FBXL4: variants seen among roughly 807,000 people sequenced by gnomAD.
FBXL4 encodes F-box and leucine rich repeat protein 4.
A neutral mutation model predicts 58.9 loss-of-function variants in FBXL4; 40 were observed. The ratio of observed to expected loss-of-function variants is 0.68; its 90% confidence interval spans 0.53 to 0.88. The LOEUF is 0.88. Ranked by LOEUF, FBXL4 falls within the 40% of genes least tolerant of loss-of-function variation. The pLI is 0.00. For synonymous variants in FBXL4, 263 were observed against 265.5 expected (o/e 0.99, Z 0.09); for missense variants, 676 against 734.4 (o/e 0.92, Z 0.92).
In FBXL4 at chr6:98,904,784, T is replaced by A. The variant is rs1771736393; in HGVS notation, c.1103+642A>T. Reference sequence around the variant, plus strand: ...GTTAGGAGAAAAACACCTGTTTGTATCCTAAGAAAAAATTACTATGGCATT... The same window carrying A: ...GTTAGGAGAAAAACACCTGTTTGTAACCTAAGAAAAAATTACTATGGCATT... On this transcript the variant is annotated intron_variant, in intron 6 of 9. Transcript: ENST00000369244. 1.3e-5 allele frequency among the ~76,000 whole-genome samples: 2 copies of A among 152,168 alleles called. 1 individual carries two copies. The highest frequency in any genetic ancestry group is 4.1e-4 in the South Asian group (2 of 4,828).
intron 7 of FBXL4, among the ~76,000 whole-genome samples, chr6:98,893,230 T>TAC (rs1324101176): frequency 1.3e-5 from 2 of 152,234 alleles, no homozygotes; most frequent in African/African-American, 4.8e-5. Flanking sequence ...TGCTATCCTA[T>TAC]ACAAGGTGTA....
chr6:98,918,445 C>T (rs1772454659), intron 4 of FBXL4, among the ~76,000 whole-genome samples: 2 of 152,110 alleles, frequency 1.3e-5, no homozygotes, highest in African/African-American at 4.8e-5. Context: ...GTGTTATCTT[C>T]CTCCCCATGA....
chr6:98,916,809 A>G (rs1262411294), intron 5 of FBXL4, among the ~76,000 whole-genome samples: 1 of 149,690 alleles, frequency 6.7e-6, no homozygotes, highest in African/African-American at 2.5e-5. Context: ...CCTAAAACTT[A>G]AAGTATAATT....
rs879269366 is a variant in FBXL4 at position 98,908,727 on chromosome 6, C to CT, written c.859-3058dup. Among the ~76,000 whole-genome samples, 210 of 145,914 alleles carry CT rather than the reference C, an allele frequency of 1.4e-3. 2 individuals carry two copies. The East Asian group carries it at 0.017, about 12-fold the overall frequency. Reference sequence around the variant, plus strand: ...TATAAAACTGTTTTTATTTGTGTTTCTTTTTTTTTTTAACAACAGAAACAT... The same window carrying CT: ...TATAAAACTGTTTTTATTTGTGTTTCTTTTTTTTTTTTAACAACAGAAACAT... On this transcript the variant is annotated intron_variant, in intron 5 of 9. Transcript: ENST00000369244.
chr6:98,885,772 T>C (rs1771016353), intron 7 of FBXL4, among the ~76,000 whole-genome samples: 1 of 152,220 alleles, frequency 6.6e-6, no homozygotes, highest in Non-Finnish European at 1.5e-5. Context: ...TCATATCATG[T>C]CAGCCAATTC....
At chr6:98,928,709 T>C (rs956101128) in intron 2 of FBXL4, among the ~76,000 whole-genome samples, 8 of 152,238 alleles carry the variant, frequency 5.3e-5, no homozygotes, top group Non-Finnish European at 1.0e-4. Context: ...TTGCACTAAA[T>C]GTCCCTTCCA....
At chr6:98,916,467 C>T (rs1469925499) in intron 5 of FBXL4, among the ~76,000 whole-genome samples, 1 of 151,640 alleles carries the variant, frequency 6.6e-6, no homozygotes, top group African/African-American at 2.4e-5. Context: ...CACATATACA[C>T]CATGGAATAC....
chr6:98,947,473 G>A (rs1161980418), intron 1 of FBXL4, among the ~76,000 whole-genome samples: 1 of 152,264 alleles, frequency 6.6e-6, no homozygotes, highest in Non-Finnish European at 1.5e-5. Context: ...CTGAGCGCGG[G>A]TGTGGGGCGA....
chr6:98,923,523 C>T (rs1051594726), intron 4 of FBXL4, among the ~76,000 whole-genome samples: 3 of 152,206 alleles, frequency 2.0e-5, no homozygotes, highest in African/African-American at 7.2e-5. Context: ...TTCAAATGTG[C>T]TGTTGTCTCT....
chr6:98,943,900 T>A (rs80345937), intron 1 of FBXL4, among the ~76,000 whole-genome samples: 496 of 152,334 alleles, frequency 3.3e-3, no homozygotes, highest in Non-Finnish European at 5.5e-3. Flanking sequence ...ACACATATTA[T>A]CTTTAAGGCT....
intron 4 of FBXL4, among the ~76,000 whole-genome samples, chr6:98,921,296 C>T (rs1211936611): frequency 2.0e-5 from 3 of 151,908 alleles, no homozygotes; most frequent in Non-Finnish European, 2.9e-5. Flanking sequence ...AGAGATGTTT[C>T]ATTAATGGAA....
intron 6 of FBXL4, among the ~76,000 whole-genome samples, chr6:98,901,457 C>T (rs1041815206): frequency 6.6e-6 from 1 of 151,958 alleles, no homozygotes; most frequent in African/African-American, 2.4e-5. Flanking sequence ...TGGCTTTATA[C>T]CAGAAAGCAA....
In FBXL4 at chr6:98,927,634, A is replaced by G. The variant is rs545110971; in HGVS notation, c.-73+71T>C. 99 of 152,466 alleles carry G rather than the reference A, an allele frequency of 6.5e-4. 1 individual carries two copies. Among genetic ancestry groups the G allele is most frequent in the African/African-American group, 2.3e-3 (97 of 41,570 alleles). The allele number at this position is 152,466 out of a possible 1,614,324, so 9.4% of individuals were successfully genotyped here. A position where few individuals can be genotyped will look rare whatever the true frequency, so the allele number is the denominator to read the frequency against. On this transcript the variant is annotated intron_variant, in intron 3 of 9. Transcript: ENST00000369244. Reference sequence around the variant, plus strand: ...CAGTGTTTAATTTATAACTCCTAGCATTATTTGTTAGGGCAGTCCATGGCT... The same window carrying G: ...CAGTGTTTAATTTATAACTCCTAGCGTTATTTGTTAGGGCAGTCCATGGCT...
At chr6:98,923,148 G>T (rs1386647099) in intron 4 of FBXL4, among the ~76,000 whole-genome samples, 1 of 152,082 alleles carries the variant, frequency 6.6e-6, no homozygotes, top group Non-Finnish European at 1.5e-5. Flanking sequence ...GCTGGTGCAG[G>T]AGTATAAGGG....
intron 5 of FBXL4, among the ~76,000 whole-genome samples, chr6:98,909,303 AG>A (rs1425766374): frequency 1.3e-5 from 2 of 152,170 alleles, no homozygotes; most frequent in African/African-American, 4.8e-5. Flanking sequence ...TGCCAAAGAC[AG>A]GGAGTCCCAA....
rs181373702 is a variant in FBXL4, at chr6:98,869,621, C to A, written c.*4657G>T. On this transcript the variant is annotated 3_prime_UTR_variant, in exon 10 of 10. Transcript: ENST00000369244. ...TCCAGCCTGGGGCAATAGAGTGAGA[C>A]CCTGTCTCAAATATGTAACACACAC... is the stretch of plus-strand genomic sequence containing the variant. 3 of 151,544 alleles carry A rather than the reference C, an allele frequency of 2.0e-5. No homozygotes were observed. Among genetic ancestry groups the A allele is most frequent in the African/African-American group, 4.9e-5 (2 of 41,216 alleles). The allele number at this position is 151,544 out of a possible 1,614,324, so 9.4% of individuals were successfully genotyped here. A position where few individuals can be genotyped will look rare whatever the true frequency, so the allele number is the denominator to read the frequency against.
At chr6:98,879,661 TCACAAGGTC>T (rs1770775207) in intron 8 of FBXL4, among the ~76,000 whole-genome samples, 1 of 151,808 alleles carries the variant, frequency 6.6e-6, no homozygotes, top group African/African-American at 2.4e-5. Flanking sequence ...GGCGGGCGGA[TCACAAGGTC>T]AGGAGTTCAA....
rs1359129287 is a variant in FBXL4 at position 98,875,698 on chromosome 6, C to T, written c.1419G>A (p.Met473Ile). The T allele has an allele frequency of 1.2e-6, 2 of 1,613,676 alleles. No homozygotes were observed. The highest frequency in any genetic ancestry group is 1.7e-6 in the Non-Finnish European group (2 of 1,179,988). The change falls in exon 9 of 10, where the codon ATG (methionine) becomes ATA (isoleucine). Residue 473 changes from methionine to isoleucine, a missense_variant. Physicochemically the swap from Met to Ile is conservative, Grantham distance 10. Coordinates refer to ENST00000369244, the MANE Select transcript of FBXL4 (RefSeq NM_001278716.2). Reference sequence around the variant, plus strand: ...GGAGTTTTTTACACTTGGCTCCTATCATGCTAGCTATCACATCATAGTCTT... The same window carrying T: ...GGAGTTTTTTACACTTGGCTCCTATTATGCTAGCTATCACATCATAGTCTT... ...MIEDYDVIAS[M>I]IGAKCKKLRT...
intron 7 of FBXL4, among the ~76,000 whole-genome samples, chr6:98,892,586 C>A (rs1158680900): frequency 1.3e-5 from 2 of 152,228 alleles, no homozygotes; most frequent in African/African-American, 2.4e-5. Flanking sequence ...TTAAATCACA[C>A]TCTTTCAAAA....
Sources: gnomAD v4.1 joint callset for allele counts (sites outside exome capture counted in the v4.1 genomes callset) on GRCh38, gnomAD v4.1.1 for gene constraint, MANE v1.5 for transcripts, NCBI Gene and HGNC (gene_info 2026-07-23, HGNC 2026-07-21) for gene names.